FSTL4: variants seen among roughly 807,000 people sequenced by gnomAD.
FSTL4 encodes follistatin like 4, also known as follistatin-related protein 4.
A neutral mutation model predicts 78.2 loss-of-function variants in FSTL4; 28 were observed. The observed-to-expected ratio is 0.36, with a 90% CI of 0.27 to 0.49. The LOEUF is 0.49. FSTL4 is among the 20% of genes least tolerant of loss of function. The probability of loss-of-function intolerance (pLI) is 0.98; values close to 1 mark genes in which losing one functional copy is unlikely to be tolerated. For missense variants in FSTL4, 922 were observed against 1,084.9 expected (o/e 0.85, Z 2.11); for synonymous variants, 422 against 440.5 (o/e 0.96, Z 0.53).
the FSTL4 span, among the ~76,000 whole-genome samples, chr5:133,823,263 G>C: frequency 0.047 from 7,215 of 152,150 alleles, 282 homozygotes; most frequent in East Asian, 0.1. Flanking sequence ...CAGGAAATAA[G>C]TTGAAATTAA....
the FSTL4 span, among the ~76,000 whole-genome samples, chr5:133,810,960 T>C: frequency 2.0e-5 from 3 of 152,332 alleles, no homozygotes; most frequent in African/African-American, 7.2e-5. Context: ...AGGCTGCTTT[T>C]TGTTAGAAAA....
At chr5:133,710,732 G>C in the FSTL4 span, among the ~76,000 whole-genome samples, 1 of 152,216 alleles carries the variant, frequency 6.6e-6, no homozygotes, top group African/African-American at 2.4e-5. Flanking sequence ...TATAAAACTA[G>C]TCAAATCATA....
intron 3 of FSTL4, among the ~76,000 whole-genome samples, chr5:133,431,217 T>C (rs1411110317): frequency 6.6e-6 from 1 of 152,204 alleles, no homozygotes; most frequent in Non-Finnish European, 1.5e-5. Context: ...AGGCAGCCAC[T>C]ACCAAGAGAA....
intron 3 of FSTL4, among the ~76,000 whole-genome samples, chr5:133,444,382 C>G (rs1405657114): frequency 6.6e-6 from 1 of 152,218 alleles, no homozygotes; most frequent in African/African-American, 2.4e-5. Context: ...ACCCTCCTTA[C>G]CTACAGCCAC....
chr5:133,322,717 A>G (rs1485332641), intron 4 of FSTL4, among the ~76,000 whole-genome samples: 2 of 152,214 alleles, frequency 1.3e-5, no homozygotes, highest in Admixed American at 6.5e-5. Flanking sequence ...CACCACCTCC[A>G]GCTAGCAGTT....
the FSTL4 span, among the ~76,000 whole-genome samples, chr5:133,689,980 G>A: frequency 6.6e-6 from 1 of 152,090 alleles, no homozygotes; most frequent in African/African-American, 2.4e-5. Context: ...AGAATTGCTC[G>A]AACCCCGGAG....
At chr5:133,360,338 T>G (rs1755041206) in intron 4 of FSTL4, among the ~76,000 whole-genome samples, 1 of 152,228 alleles carries the variant, frequency 6.6e-6, no homozygotes, top group African/African-American at 2.4e-5. Flanking sequence ...AGATCTGACC[T>G]TAACACATGA....
chr5:133,369,880 A>G (rs1382208762), intron 4 of FSTL4, among the ~76,000 whole-genome samples: 4 of 152,184 alleles, frequency 2.6e-5, no homozygotes, highest in African/African-American at 7.2e-5. Context: ...CTGGTGGCAG[A>G]GGACACAGGG....
intron 4 of FSTL4, 79 bp from the exon 5 acceptor site, chr5:133,316,731 T>A: frequency 8.1e-7 from 1 of 1,227,852 alleles, no homozygotes; most frequent in Non-Finnish European, 1.2e-6. Context: ...GGTCCATTCA[T>A]CTCACTCACA....
rs114920772 is a variant in FSTL4 at position 133,251,377 on chromosome 5, C to T, written c.728-1801G>A. On this transcript the variant is annotated intron_variant, in intron 6 of 15. Transcript: ENST00000265342. ...CGCTGCTCCTGCCACCTGGGGCAAC[C>T]GCATGTGTCTGGGCAGAGAGCCAGA... Among the ~76,000 whole-genome samples the T allele has an allele frequency of 5.5e-3, 831 of 152,310 alleles. 3 individuals are homozygous for T. The highest frequency in any genetic ancestry group is 8.7e-3 in the Non-Finnish European group (589 of 68,018).
intron 7 of FSTL4, among the ~76,000 whole-genome samples, chr5:133,237,778 A>C (rs1336073204): frequency 6.6e-6 from 1 of 152,106 alleles, no homozygotes. Context: ...TCCTCTCCTG[A>C]ATGTTCTTTG....
intron 6 of FSTL4, among the ~76,000 whole-genome samples, chr5:133,263,607 T>C (rs1277059622): frequency 1.3e-5 from 2 of 152,108 alleles, no homozygotes; most frequent in Non-Finnish European, 2.9e-5. Flanking sequence ...AATGAAGCCA[T>C]CTTTGGAATG....
chr5:133,785,736 G>A, the FSTL4 span, among the ~76,000 whole-genome samples: 1 of 152,184 alleles, frequency 6.6e-6, no homozygotes, highest in Non-Finnish European at 1.5e-5. Context: ...CTCAGGGTGA[G>A]GTTGGGTTCT....
chr5:133,593,346 C>T (rs1760670214), intron 2 of FSTL4, among the ~76,000 whole-genome samples: 1 of 152,142 alleles, frequency 6.6e-6, no homozygotes, highest in Non-Finnish European at 1.5e-5. Flanking sequence ...TCAGGTGGAA[C>T]CACTTCAGGG....
At chr5:133,293,920 C>T (rs928243024) in intron 6 of FSTL4, among the ~76,000 whole-genome samples, 22 of 152,316 alleles carry the variant, frequency 1.4e-4, no homozygotes, top group Admixed American at 1.0e-3. Context: ...ATCCCTCCCT[C>T]CTGCATCATT....
At chr5:133,205,819 C>A (rs930339802) in intron 14 of FSTL4, among the ~76,000 whole-genome samples, 1 of 152,104 alleles carries the variant, frequency 6.6e-6, no homozygotes, top group Non-Finnish European at 1.5e-5. Context: ...CAAAGCCAGA[C>A]AAATCCTTGT....
chr5:133,250,915 AAAG>A (rs1752210485), intron 6 of FSTL4, among the ~76,000 whole-genome samples: 2 of 152,220 alleles, frequency 1.3e-5, no homozygotes, highest in African/African-American at 4.8e-5. Context: ...AAAATGAAAT[AAAG>A]AAGTAAAAGA....
Position 133,462,331 on chromosome 5 carries a change from G to A in FSTL4, c.161-61345C>T, listed in dbSNP as rs138964994. On this transcript the variant is annotated intron_variant, in intron 3 of 15. Coordinates refer to ENST00000265342, the MANE Select transcript of FSTL4 (RefSeq NM_015082.2). ...GTCCTCCCTCTCCCCACACCCTGGA[G>A]AATTCCTAGGAAATATGCCAAGCTC... 6.6e-5 allele frequency among the ~76,000 whole-genome samples: 10 copies of A among 152,376 alleles called. No homozygotes were observed. In the East Asian group the frequency reaches 1.3e-3, roughly 21 times the overall value.
the FSTL4 span, among the ~76,000 whole-genome samples, chr5:133,713,793 G>A: frequency 1.3e-5 from 2 of 152,204 alleles, no homozygotes; most frequent in Admixed American, 1.3e-4. Flanking sequence ...TAGAAGAGAT[G>A]GGATAGCTCA....
Sources: allele counts gnomAD v4.1 joint callset (sites outside exome capture counted in the v4.1 genomes callset), GRCh38; gene constraint gnomAD v4.1.1; transcripts MANE v1.5; gene names NCBI Gene and HGNC (gene_info 2026-07-23, HGNC 2026-07-21).